The following CWH43 variants were observed in gnomAD, a reference collection of about 807,000 sequenced individuals.
CWH43 encodes cell wall biogenesis 43 C-terminal homolog, also known as PGAP2-interacting protein.
A neutral mutation model predicts 85.7 loss-of-function variants in CWH43; 91 were observed. The observed-to-expected ratio is 1.06, with a 90% CI of 0.90 to 1.26. The LOEUF (loss-of-function observed/expected upper bound fraction) is 1.26, where lower values mean the gene tolerates loss of function less well. Ranked by LOEUF, CWH43 falls within the 50% of genes most tolerant of loss-of-function variation. The pLI, the probability that CWH43 is intolerant of heterozygous loss-of-function variation, is 0.00. For synonymous variants in CWH43, 323 were observed against 293.6 expected, an observed-to-expected ratio of 1.10 and a Z score of -1.02; for missense variants, 869 against 839.2, an observed-to-expected ratio of 1.04 and a Z score of -0.44.
At chr4:48,993,016 G>C (rs1321571039) in intron 4 of CWH43, among the ~76,000 whole-genome samples, 1 of 152,134 alleles carries the variant, frequency 6.6e-6, no homozygotes, top group African/African-American at 2.4e-5. Context: ...CATTTTGCCG[G>C]TACAGCCTGA....
At chr4:49,042,044 G>T (rs1784479636) in intron 13 of CWH43, among the ~76,000 whole-genome samples, 1 of 152,184 alleles carries the variant, frequency 6.6e-6, no homozygotes, top group Admixed American at 6.5e-5. Context: ...TGGATAGACA[G>T]AAATTAGAGT....
chr4:49,019,808 G>A (rs186075617), intron 9 of CWH43, among the ~76,000 whole-genome samples: 9 of 152,172 alleles, frequency 5.9e-5, no homozygotes, highest in African/African-American at 2.2e-4. Flanking sequence ...TCAAACTCCT[G>A]ACCTCAAGTT....
chr4:48,988,168 GGTATATAT>G (rs1782548794), intron 1 of CWH43, among the ~76,000 whole-genome samples: 1 of 152,122 alleles, frequency 6.6e-6, no homozygotes, highest in Non-Finnish European at 1.5e-5. Context: ...TTCACTTCTG[GGTATATAT>G]CCTACAGATA....
chr4:49,040,227 G>A (rs1175524975), intron 13 of CWH43, among the ~76,000 whole-genome samples: 1 of 152,182 alleles, frequency 6.6e-6, no homozygotes, highest in East Asian at 1.9e-4. Flanking sequence ...TGTCTTAATA[G>A]CAGCATGATT....
At chr4:49,016,090 T>C (rs2109781937) in intron 8 of CWH43, among the ~76,000 whole-genome samples, 1 of 152,290 alleles carries the variant, frequency 6.6e-6, no homozygotes, top group South Asian at 2.1e-4. Context: ...TTTAAGCTCA[T>C]GGTCCTTGGA....
intron 9 of CWH43, among the ~76,000 whole-genome samples, chr4:49,017,930 G>C (rs1446008332): frequency 7.9e-5 from 12 of 152,170 alleles, no homozygotes; most frequent in Middle Eastern, 3.4e-3. Flanking sequence ...TGCCTACTGG[G>C]TTCAAGCAAT....
At chr4:49,052,705 A>G (rs1436726206) in intron 15 of CWH43, among the ~76,000 whole-genome samples, 4 of 152,238 alleles carry the variant, frequency 2.6e-5, no homozygotes, top group African/African-American at 9.6e-5. Flanking sequence ...TTTCCCACTC[A>G]GTTTAATTAC....
At chr4:48,998,641 C>G in intron 6 of CWH43, 93 bp downstream of exon 6, 1 of 917,450 alleles carries the variant, frequency 1.1e-6, no homozygotes, top group Middle Eastern at 2.2e-4. Flanking sequence ...GTAGATACAA[C>G]CATACAAATA....
At position 49,028,753 on chromosome 4, in the gene CWH43, A is replaced by T; in HGVS notation, c.1372+19A>T. On this transcript the variant is annotated intron_variant, in intron 10 of 15. Transcript: ENST00000226432. ...GAAACAGGTAAGTCTTCCTGGAATT[A>T]GTTCCAGGTTTTGAGAAACTATTAT... The T allele has an allele frequency of 6.7e-7, 1 of 1,497,988 alleles. No individual in the cohort carries two copies. The highest frequency in any genetic ancestry group is 9.3e-7 in the Non-Finnish European group (1 of 1,078,258). The allele number at this position is 1,497,988 out of a possible 1,614,324, so 92.8% of individuals were successfully genotyped here.
chr4:49,005,974 T>C lies in CWH43; in HGVS notation c.1061-1227T>C, dbSNP rs1298647158. Among the ~76,000 whole-genome samples, 4 of 152,344 alleles carry C rather than the reference T, an allele frequency of 2.6e-5. No homozygotes were observed. In the East Asian group the frequency reaches 7.7e-4, roughly 29 times the overall value. ...TAAAATTACATGAAATATTTTTGAATTAACTTGGAGAATTTGGTATTTCTG... is the reference window on the plus strand; with the variant it reads ...TAAAATTACATGAAATATTTTTGAACTAACTTGGAGAATTTGGTATTTCTG... On this transcript the variant is annotated intron_variant, in intron 7 of 15. Coordinates refer to ENST00000226432, the MANE Select transcript of CWH43 (RefSeq NM_025087.3).
chr4:49,010,093 A>G (rs1181890320), intron 8 of CWH43, among the ~76,000 whole-genome samples: 1 of 152,110 alleles, frequency 6.6e-6, no homozygotes, highest in Non-Finnish European at 1.5e-5. Flanking sequence ...TCGGCTGTGA[A>G]TCCTTCTGGT....
At chr4:49,060,014 T>C (rs1444294363) in intron 15 of CWH43, among the ~76,000 whole-genome samples, 2 of 152,102 alleles carry the variant, frequency 1.3e-5, no homozygotes, top group Non-Finnish European at 2.9e-5. Context: ...CCTATGGGCC[T>C]GTACTCTGGA....
chr4:49,040,846 A>C (rs1307107519), intron 13 of CWH43, among the ~76,000 whole-genome samples: 1 of 152,154 alleles, frequency 6.6e-6, no homozygotes, highest in African/African-American at 2.4e-5. Context: ...GGTATTGCCT[A>C]GGTTTTCTTC....
intron 9 of CWH43, among the ~76,000 whole-genome samples, chr4:49,020,703 A>G (rs1005802190): frequency 6.6e-6 from 1 of 152,132 alleles, no homozygotes; most frequent in Admixed American, 6.5e-5. Flanking sequence ...TTTTCACTAC[A>G]TCCATGCCAA....
rs1784313478 is a variant in CWH43 at position 49,038,042 on chromosome 4, C to G, written c.1665C>G (p.Asp555Glu). 1 of 1,596,112 alleles carries G rather than the reference C, an allele frequency of 6.3e-7. No homozygotes were observed. Among genetic ancestry groups the G allele is most frequent in the South Asian group, 1.2e-5 (1 of 86,900 alleles). ...ATATTTTTACATTTTTTAGAGATGA[C>G]CTCGACAGGAAACTGCAGGCTATTG... ...VVTHFGNHED[D>E]LDRKLQAIAV... is the part of the protein sequence containing the mutation. Residue 555 changes from aspartate (D) to glutamate (E), a missense_variant, in exon 13 of 16, where the codon GAC becomes GAG. Transcript: ENST00000226432.
chr4:48,995,106 C>T (rs1371981893), intron 5 of CWH43, among the ~76,000 whole-genome samples: 1 of 152,152 alleles, frequency 6.6e-6, no homozygotes, highest in Non-Finnish European at 1.5e-5. Flanking sequence ...TCGAGGAATG[C>T]CTGCACAGAA....
intron 13 of CWH43, among the ~76,000 whole-genome samples, chr4:49,040,428 G>A (rs1211677968): frequency 6.6e-6 from 1 of 151,520 alleles, no homozygotes; most frequent in Non-Finnish European, 1.5e-5. Flanking sequence ...ACTTTTTAAT[G>A]ATAGCCATTC....
intron 15 of CWH43, among the ~76,000 whole-genome samples, chr4:49,055,833 G>A (rs1357822265): frequency 1.3e-5 from 2 of 152,056 alleles, no homozygotes; most frequent in South Asian, 2.1e-4. Context: ...CTGACCTCAG[G>A]TGATCTGCCT....
At chr4:49,039,591 G>A (rs569213857) in intron 13 of CWH43, among the ~76,000 whole-genome samples, 35 of 150,106 alleles carry the variant, frequency 2.3e-4, no homozygotes, top group Non-Finnish European at 4.4e-4. Flanking sequence ...AATCTTATCC[G>A]TCTTATGTTG....
Sources: gnomAD v4.1 joint callset for allele counts (sites outside exome capture counted in the v4.1 genomes callset) on GRCh38, gnomAD v4.1.1 for gene constraint, MANE v1.5 for transcripts, NCBI Gene and HGNC (gene_info 2026-07-23, HGNC 2026-07-21) for gene names.